The following NAV2 variants were observed in gnomAD, a reference collection of about 807,000 sequenced individuals.
The protein encoded by NAV2 is helicase, APC down-regulated 1.
NAV2 carries 54 observed loss-of-function variants against 223.2 expected under a neutral mutation model. The ratio of observed to expected loss-of-function variants is 0.24; its 90% confidence interval spans 0.19 to 0.30. The LOEUF (loss-of-function observed/expected upper bound fraction) is 0.30, where lower values mean the gene tolerates loss of function less well. Among genes scored for constraint, NAV2 ranks in the 10% least tolerant of loss-of-function variants. NAV2 has a pLI of 1.00. For missense variants in NAV2, 2,806 were observed against 3,147.5 expected (o/e 0.89, Z 2.60); for synonymous variants, 1,279 against 1,239.3 (o/e 1.03, Z -0.67).
chr11:19,980,955 G>A (rs12805144), intron 10 of NAV2, among the ~76,000 whole-genome samples: 29,066 of 152,084 alleles, frequency 0.19, 4,104 homozygotes, highest in African/African-American at 0.4. Flanking sequence ...AAAGAATATT[G>A]TTGTTTAAAA....
intron 28 of NAV2, 140 bp downstream of exon 28, chr11:20,092,508 T>C: frequency 1.2e-6 from 1 of 825,088 alleles, no homozygotes; most frequent in Non-Finnish European, 1.9e-6. Context: ...TGTGTATGTG[T>C]CTGGGTGTGA....
At chr11:19,541,674 C>T (rs963470578) in intron 1 of NAV2, among the ~76,000 whole-genome samples, 1 of 152,190 alleles carries the variant, frequency 6.6e-6, no homozygotes, top group African/African-American at 2.4e-5. Context: ...TCAGGCAGAG[C>T]ATAGGCCCAG....
intron 10 of NAV2, among the ~76,000 whole-genome samples, chr11:19,976,594 C>T (rs1478142783): frequency 6.6e-6 from 1 of 152,240 alleles, no homozygotes; most frequent in Admixed American, 6.5e-5. Flanking sequence ...CTTTGCAGTA[C>T]TCCCCAGTGA....
chr11:19,478,755 C>T (rs893985605), intron 1 of NAV2, among the ~76,000 whole-genome samples: 1 of 152,326 alleles, frequency 6.6e-6, no homozygotes, highest in Admixed American at 6.5e-5. Flanking sequence ...TCCACTTTCT[C>T]CTGGCTTCCA....
chr11:19,559,383 C>G lies in NAV2; in HGVS notation c.75+208356C>G, dbSNP rs190825571. ...TTGGCCAAGTCATTTAACCCCCGAG[C>G]CTTGTTTTCCTTGTGTGATGTCAGG... On this transcript the variant is annotated intron_variant, in intron 1 of 37. Coordinates refer to the NAV2 transcript ENST00000360655. Among the ~76,000 whole-genome samples, 8 of 152,292 alleles carry G rather than the reference C, an allele frequency of 5.3e-5. No homozygotes were observed. The East Asian group carries it at 1.5e-3, about 29-fold the overall frequency.
intron 10 of NAV2, among the ~76,000 whole-genome samples, chr11:19,982,153 T>C (rs577664813): frequency 6.6e-6 from 1 of 152,354 alleles, no homozygotes; most frequent in South Asian, 2.1e-4. Context: ...TATTTAACTA[T>C]AGCTGTAATC....
chr11:19,354,624 G>A (rs1014281026), intron 1 of NAV2, among the ~76,000 whole-genome samples: 10 of 152,236 alleles, frequency 6.6e-5, no homozygotes, highest in African/African-American at 2.4e-4. Context: ...ATTCAGTAAA[G>A]TGTGTGCTTT....
intron 1 of NAV2, among the ~76,000 whole-genome samples, chr11:19,553,587 C>A (rs73420194): frequency 2.6e-5 from 4 of 152,216 alleles, no homozygotes; most frequent in African/African-American, 9.6e-5. Context: ...ATTTTCAATG[C>A]CTAGGAAATG....
At chr11:19,625,549 T>A (rs1481311955) in intron 1 of NAV2, among the ~76,000 whole-genome samples, 3 of 152,210 alleles carry the variant, frequency 2.0e-5, no homozygotes, top group Admixed American at 6.5e-5. Flanking sequence ...ACTAATTTCC[T>A]TTCTCTTGGT....
At chr11:19,633,550 G>A (rs911429387) in intron 1 of NAV2, among the ~76,000 whole-genome samples, 1 of 152,264 alleles carries the variant, frequency 6.6e-6, no homozygotes, top group African/African-American at 2.4e-5. Context: ...CAACAGCCCA[G>A]TGTGTTTCCA....
rs35777344 is a variant in NAV2 at position 19,802,711 on chromosome 11, C to CAAAAA, written c.268-29758_268-29754dup. Among the ~76,000 whole-genome samples the CAAAAA allele has an allele frequency of 2.1e-4, 24 of 116,878 alleles. 1 individual carries two copies. Among genetic ancestry groups the CAAAAA allele is most frequent in the African/African-American group, 3.1e-4 (9 of 29,462 alleles). 76.7% of individuals were successfully genotyped at this position (116,878 alleles called of 152,430 possible). A position where few individuals can be genotyped will look rare whatever the true frequency, so the allele number is the denominator to read the frequency against. On this transcript the variant is annotated intron_variant, in intron 1 of 37. Transcript: ENST00000349880. ...GGTGACAGAGTGAGACCCTGTCTCT[C>CAAAAA]AAAAAAAAAAAAAAAAAAATTACAC...
rs1259169737 is a variant in NAV2, at chr11:20,090,889, A to G, written c.5523A>G (p.Glu1841=). 6.2e-7 allele frequency: 1 copy of G among 1,614,032 alleles called. No homozygotes were observed. Among genetic ancestry groups the G allele is most frequent in the East Asian group, 2.2e-5 (1 of 44,872 alleles). ...GAATTTCAGAATGCATGGATAGTGA[A>G]GCTGAGACCGTCATGCAGCTCCGAA... ...NSLISECMDS[E]AETVMQLRNE... Residue 1841 remains glutamate, a synonymous_variant, in exon 27 of 38, where the codon GAA becomes GAG. Coordinates refer to ENST00000349880, the MANE Select transcript of NAV2 (RefSeq NM_145117.5).
At chr11:19,794,125 C>T (rs1161371785) in intron 1 of NAV2, among the ~76,000 whole-genome samples, 1 of 152,188 alleles carries the variant, frequency 6.6e-6, no homozygotes, top group Non-Finnish European at 1.5e-5. Flanking sequence ...ATTCCTGGTA[C>T]CTCACAGAAT....
At chr11:19,768,018 G>T (rs900118493) in intron 1 of NAV2, among the ~76,000 whole-genome samples, 1 of 152,234 alleles carries the variant, frequency 6.6e-6, no homozygotes, top group Non-Finnish European at 1.5e-5. Context: ...AAGAGCTAAG[G>T]GTTCCAGCTG....
chr11:19,930,323 A>G (rs1249842334), intron 6 of NAV2, among the ~76,000 whole-genome samples: 1 of 152,336 alleles, frequency 6.6e-6, no homozygotes, highest in Non-Finnish European at 1.5e-5. Context: ...GTTAAAAAAA[A>G]TAGAAATTAT....
At chr11:20,027,903 A>T (rs541475427) in intron 11 of NAV2, among the ~76,000 whole-genome samples, 18 of 152,176 alleles carry the variant, frequency 1.2e-4, no homozygotes, top group Non-Finnish European at 2.4e-4. Flanking sequence ...TAGTGGAAAA[A>T]TCTGTTTAAT....
At chr11:19,624,583 C>A (rs1359744750) in intron 1 of NAV2, among the ~76,000 whole-genome samples, 1 of 152,140 alleles carries the variant, frequency 6.6e-6, no homozygotes, top group East Asian at 1.9e-4. Context: ...CCTGGTGTGC[C>A]GTTTGCTGAG....
intron 1 of NAV2, among the ~76,000 whole-genome samples, chr11:19,539,471 A>G (rs2044280596): frequency 6.6e-6 from 1 of 152,196 alleles, no homozygotes; most frequent in South Asian, 2.1e-4. Context: ...TATTCTAATT[A>G]TATTTAATAT....
chr11:19,714,037 A>G, intron 1 of NAV2, 75 bp downstream of exon 1: 1 of 1,554,786 alleles, frequency 6.4e-7, no homozygotes, highest in South Asian at 1.2e-5. Flanking sequence ...TGTGGGAGAA[A>G]GGGCTGGATG....
Sources: gnomAD v4.1 joint callset for allele counts (sites outside exome capture counted in the v4.1 genomes callset) on GRCh38, gnomAD v4.1.1 for gene constraint, MANE v1.5 for transcripts, NCBI Gene and HGNC (gene_info 2026-07-23, HGNC 2026-07-21) for gene names.